The following AGAP1 variants were observed in gnomAD, a reference collection of about 807,000 sequenced individuals.
AGAP1 encodes the protein ArfGAP with GTPase domain, ankyrin repeat and PH domain 1.
Under a neutral mutation model 105.3 loss-of-function variants are expected in AGAP1, and 29 were observed. The ratio of observed to expected loss-of-function variants is 0.28; its 90% CI spans 0.21 to 0.38. AGAP1 has a LOEUF of 0.38. Ranked by LOEUF, AGAP1 falls within the 10% of genes least tolerant of loss-of-function variation. The probability of loss-of-function intolerance (pLI) is 1.00; values close to 1 mark genes in which losing one functional copy is unlikely to be tolerated. For synonymous variants in AGAP1, 509 were observed against 485.9 expected, an observed-to-expected ratio of 1.05 and a Z score of -0.63; for missense variants, 998 against 1,165.1, an observed-to-expected ratio of 0.86 and a Z score of 2.09.
intron 6 of AGAP1, among the ~76,000 whole-genome samples, chr2:235,772,794 C>T (rs1955560731): frequency 1.3e-5 from 2 of 152,308 alleles, no homozygotes; most frequent in South Asian, 2.1e-4. Context: ...CAGGCAGAGG[C>T]CGCCCTCGGA....
chr2:235,497,006 T>TG (rs377330301), intron 1 of AGAP1, among the ~76,000 whole-genome samples: 1 of 152,230 alleles, frequency 6.6e-6, no homozygotes, highest in African/African-American at 2.4e-5. Flanking sequence ...CACTCAGACA[T>TG]GCTGCTGTTC....
chr2:235,908,013 A>G lies in AGAP1; in HGVS notation c.1156-725A>G, dbSNP rs140424996. ...GATGATGCTGCACTAAAGGATCAGT[A>G]ACTCACTGGCCAGCAGGCCCATCCC... On this transcript the variant is annotated intron_variant, in intron 10 of 17. Coordinates refer to ENST00000304032, the MANE Select transcript of AGAP1 (RefSeq NM_001037131.3). The surrounding 1 kb of genome is among the most constrained non-coding windows in gnomAD (Gnocchi z 4.4). Among the ~76,000 whole-genome samples, 41 of 152,314 alleles carry G rather than the reference A, an allele frequency of 2.7e-4. 1 individual carries two copies. In the East Asian group the frequency reaches 7.9e-3, roughly 29 times the overall value.
chr2:236,043,725 GA>G (rs781763786), intron 15 of AGAP1, among the ~76,000 whole-genome samples: 136 of 140,732 alleles, frequency 9.7e-4, no homozygotes, highest in Non-Finnish European at 8.5e-4. Flanking sequence ...CGTCTCAAGG[GA>G]AAAAAAAAAA....
At chr2:235,850,943 G>A (rs968009483) in intron 9 of AGAP1, among the ~76,000 whole-genome samples, 4 of 152,218 alleles carry the variant, frequency 2.6e-5, no homozygotes, top group African/African-American at 9.6e-5. Flanking sequence ...GGTTTAGCAA[G>A]GGAATGGCTG....
In AGAP1 at chr2:235,574,072, G is replaced by A. The variant is rs1265186210; in HGVS notation, c.163+79223G>A. Among the ~76,000 whole-genome samples, 1 of 152,202 alleles carries A rather than the reference G, an allele frequency of 6.6e-6. No individual in the cohort carries two copies. Among genetic ancestry groups the A allele is most frequent in the Non-Finnish European group, 1.5e-5 (1 of 68,032 alleles). On this transcript the variant is annotated intron_variant, in intron 1 of 17. Coordinates refer to ENST00000304032, the MANE Select transcript of AGAP1 (RefSeq NM_001037131.3). This position sits in a 1 kb window ranked among gnomAD's most constrained non-coding sequence, Gnocchi z 5.0. ...AGGGAGGCAGGGCCTGGGTGCCTTG[G>A]GGCCTGTCCTATCTGAGGTCCACAG...
chr2:235,887,257 G>A lies in AGAP1; in HGVS notation c.1155+3808G>A, dbSNP rs1345452266. On this transcript the variant is annotated intron_variant, in intron 10 of 17. Coordinates refer to ENST00000304032, the MANE Select transcript of AGAP1 (RefSeq NM_001037131.3). This position sits in a 1 kb window ranked among gnomAD's most constrained non-coding sequence, Gnocchi z 4.1. ...GCAGTGGTGGCATAAGTGGTCAAGT[G>A]TTGGGAAAGCTGCCAGGATTGCTGG... is the stretch of plus-strand genomic sequence containing the variant. Among the ~76,000 whole-genome samples, 1 of 152,126 alleles carries A rather than the reference G, an allele frequency of 6.6e-6. No individual in the cohort carries two copies. Among genetic ancestry groups the A allele is most frequent in the Non-Finnish European group, 1.5e-5 (1 of 68,026 alleles).
In AGAP1 at chr2:236,069,574, C is replaced by T. The variant is rs181567198; in HGVS notation, c.2114+20293C>T. On this transcript the variant is annotated intron_variant, in intron 16 of 17. Coordinates refer to ENST00000304032, the MANE Select transcript of AGAP1 (RefSeq NM_001037131.3). ...AAATAGCTGGGATTACAGGCACACG[C>T]CACCACGCCTGGCTAACTTTTGTAT... Among the ~76,000 whole-genome samples, 156 of 152,302 alleles carry T rather than the reference C, an allele frequency of 1.0e-3. 1 individual carries two copies. Among genetic ancestry groups the T allele is most frequent in the African/African-American group, 3.7e-3 (154 of 41,570 alleles).
rs746229060 is a variant in AGAP1 at position 235,664,568 on chromosome 2, C to T, written c.164-44611C>T. Among the ~76,000 whole-genome samples the T allele has an allele frequency of 1.3e-5, 2 of 152,124 alleles. No individual in the cohort carries two copies. Among genetic ancestry groups the T allele is most frequent in the Non-Finnish European group, 2.9e-5 (2 of 68,028 alleles). On this transcript the variant is annotated intron_variant, in intron 1 of 17. Transcript: ENST00000304032. The surrounding 1 kb of genome is among the most constrained non-coding windows in gnomAD (Gnocchi z 5.7). ...GCCTGACACTTAGCAAGAAAAACTA[C>T]CAAGAAATATCTAATATTTTCCTTT...
chr2:235,551,337 C>G lies in AGAP1; in HGVS notation c.163+56488C>G, dbSNP rs1294282154. Among the ~76,000 whole-genome samples the G allele has an allele frequency of 1.3e-5, 2 of 152,032 alleles. No individual in the cohort carries two copies. Among genetic ancestry groups the G allele is most frequent in the East Asian group, 3.9e-4 (2 of 5,174 alleles). On this transcript the variant is annotated intron_variant, in intron 1 of 17. Coordinates refer to ENST00000304032, the MANE Select transcript of AGAP1 (RefSeq NM_001037131.3). The surrounding 1 kb of genome is among the most constrained non-coding windows in gnomAD (Gnocchi z 4.8). ...TTTTTTTTTTTGAGACAAGGTCTCA[C>G]TCTGTCACTCAGGTTGGAGTGCAGT...
intron 13 of AGAP1, among the ~76,000 whole-genome samples, chr2:236,013,655 C>G (rs911175627): frequency 3.9e-5 from 6 of 152,148 alleles, no homozygotes; most frequent in African/African-American, 9.7e-5. Flanking sequence ...TGGGAGCCTG[C>G]ACTGGTTTCT....
intron 13 of AGAP1, among the ~76,000 whole-genome samples, chr2:235,978,504 G>C (rs956656706): frequency 1.3e-5 from 2 of 152,222 alleles, no homozygotes; most frequent in Admixed American, 6.5e-5. Context: ...AAACAACCCT[G>C]TGTGGTGTTG....
intron 16 of AGAP1, among the ~76,000 whole-genome samples, chr2:236,093,595 G>A (rs2059118371): frequency 6.6e-6 from 1 of 152,212 alleles, no homozygotes; most frequent in African/African-American, 2.4e-5. Flanking sequence ...TCTCACATGG[G>A]AGGAGGTATA....
At chr2:235,743,217 A>G (rs553040115) in intron 4 of AGAP1, among the ~76,000 whole-genome samples, 1 of 152,340 alleles carries the variant, frequency 6.6e-6, no homozygotes, top group Admixed American at 6.5e-5. Context: ...TGAACATGTT[A>G]GATTGGGGGG....
rs553769304 is a variant in AGAP1 at position 236,119,172 on chromosome 2, G to A, written c.2115-1020G>A. Among the ~76,000 whole-genome samples the A allele has an allele frequency of 6.6e-6, 1 of 152,074 alleles. No individual in the cohort carries two copies. Among genetic ancestry groups the A allele is most frequent in the Admixed American group, 6.5e-5 (1 of 15,272 alleles). On this transcript the variant is annotated intron_variant, in intron 16 of 17. Coordinates refer to ENST00000304032, the MANE Select transcript of AGAP1 (RefSeq NM_001037131.3). This position sits in a 1 kb window ranked among gnomAD's most constrained non-coding sequence, Gnocchi z 6.6. Reference sequence around the variant, plus strand: ...CAGGTTGTGATGCTGGGGCCGGGGCGGGCAGGCATCAGCATCATCCACTCT... The same window carrying A: ...CAGGTTGTGATGCTGGGGCCGGGGCAGGCAGGCATCAGCATCATCCACTCT...
At chr2:236,032,741 A>G (rs575745868) in intron 13 of AGAP1, among the ~76,000 whole-genome samples, 9 of 152,242 alleles carry the variant, frequency 5.9e-5, no homozygotes, top group African/African-American at 1.7e-4. Context: ...TAGAAGGGGG[A>G]CATGAAGTTT....
chr2:235,694,291 A>G (rs898159437), intron 1 of AGAP1, among the ~76,000 whole-genome samples: 1 of 149,700 alleles, frequency 6.7e-6, no homozygotes, highest in Non-Finnish European at 1.5e-5. Flanking sequence ...CATCCTGGCT[A>G]TCATGGTGAA....
chr2:235,996,343 G>A (rs138323866), intron 13 of AGAP1, among the ~76,000 whole-genome samples: 3 of 152,302 alleles, frequency 2.0e-5, no homozygotes, highest in East Asian at 3.9e-4. Flanking sequence ...CCCCTTGGCC[G>A]ATTGGAGATT....
intron 1 of AGAP1, chr2:235,670,874 G>A: frequency 2.2e-6 from 3 of 1,346,028 alleles, no homozygotes; most frequent in Non-Finnish European, 1.9e-6. Context: ...GGCCGGCGCG[G>A]CCTCGGAGCA....
In AGAP1 at chr2:235,730,899, G is replaced by A. The variant is rs575389068; in HGVS notation, c.311-10064G>A. Among the ~76,000 whole-genome samples, 3 of 152,202 alleles carry A rather than the reference G, an allele frequency of 2.0e-5. No individual in the cohort carries two copies. In the East Asian group the frequency reaches 5.8e-4, roughly 29 times the overall value. On this transcript the variant is annotated intron_variant, in intron 3 of 17. Coordinates refer to ENST00000304032, the MANE Select transcript of AGAP1 (RefSeq NM_001037131.3). ...ATGTGACTATTTTTTTCTTCAGAGT[G>A]GTGATTGAAAAGCAGCCCCCAACCG...
Sources: allele counts gnomAD v4.1 joint callset (sites outside exome capture counted in the v4.1 genomes callset), GRCh38; gene constraint gnomAD v4.1.1; non-coding constraint Gnocchi (gnomAD v3.1); transcripts MANE v1.5; gene names NCBI Gene and HGNC (gene_info 2026-07-23, HGNC 2026-07-21).